ARMH3: variants seen among roughly 807,000 people sequenced by gnomAD.
The protein encoded by ARMH3 is armadillo-like helical domain-containing protein 3.
A neutral mutation model predicts 99.1 loss-of-function variants in ARMH3; 60 were observed. The observed-to-expected ratio is 0.61, with a 90% CI of 0.49 to 0.75. ARMH3 has a LOEUF of 0.75. Ranked by LOEUF, ARMH3 falls within the 30% of genes least tolerant of loss-of-function variation. The pLI, the probability that ARMH3 is intolerant of heterozygous loss-of-function variation, is 0.00. For synonymous variants in ARMH3, 285 were observed against 292.8 expected, an observed-to-expected ratio of 0.97 and a Z score of 0.27; for missense variants, 679 against 843.1, an observed-to-expected ratio of 0.81 and a Z score of 2.41.
chr10:101,928,271 T>C (rs1383474197), intron 23 of ARMH3, among the ~76,000 whole-genome samples: 1 of 152,162 alleles, frequency 6.6e-6, no homozygotes, highest in Non-Finnish European at 1.5e-5. Flanking sequence ...TCTGAGACTT[T>C]ACACAGGGTG....
intron 1 of ARMH3, among the ~76,000 whole-genome samples, chr10:102,042,037 A>T (rs1241292307): frequency 2.6e-5 from 4 of 152,204 alleles, no homozygotes; most frequent in African/African-American, 9.6e-5. Flanking sequence ...GATGAAAAAA[A>T]TAATAACAAT....
At chr10:102,027,782 T>G (rs936639321) in intron 5 of ARMH3, among the ~76,000 whole-genome samples, 34 of 151,846 alleles carry the variant, frequency 2.2e-4, no homozygotes, top group African/African-American at 7.7e-4. Flanking sequence ...AAGTATTAAA[T>G]ATTTGTATAT....
chr10:101,993,108 C>G (rs959521183), intron 17 of ARMH3, among the ~76,000 whole-genome samples: 5 of 151,448 alleles, frequency 3.3e-5, no homozygotes. Flanking sequence ...CCATCTGTAA[C>G]GAAAATACAA....
At chr10:101,991,515 G>A (rs1234736698) in intron 18 of ARMH3, among the ~76,000 whole-genome samples, 1 of 152,208 alleles carries the variant, frequency 6.6e-6, no homozygotes, top group African/African-American at 2.4e-5. Flanking sequence ...TGAGTAGCTG[G>A]GATTACAGGC....
chr10:101,973,156 C>T (rs541668679), intron 20 of ARMH3, among the ~76,000 whole-genome samples: 2 of 152,024 alleles, frequency 1.3e-5, no homozygotes, highest in Non-Finnish European at 2.9e-5. Context: ...GTCAGGAGTT[C>T]GAGACCATCC....
At chr10:101,984,579 G>A (rs1296338173) in intron 19 of ARMH3, among the ~76,000 whole-genome samples, 1 of 151,964 alleles carries the variant, frequency 6.6e-6, no homozygotes, top group Non-Finnish European at 1.5e-5. Flanking sequence ...AGCCACTCCA[G>A]AGCACCAATG....
At chr10:101,850,078 T>TTCTC (rs148630843) in intron 24 of ARMH3, among the ~76,000 whole-genome samples, 186 bp from the exon 25 acceptor site, 4 of 146,688 alleles carry the variant, frequency 2.7e-5, no homozygotes, top group Non-Finnish European at 4.5e-5. Context: ...TGGGACCACT[T>TTCTC]TCTCTCTCTC....
intron 20 of ARMH3, among the ~76,000 whole-genome samples, chr10:101,972,174 G>A (rs1845797543): frequency 6.6e-6 from 1 of 152,104 alleles, no homozygotes; most frequent in Admixed American, 6.5e-5. Flanking sequence ...TTGTCCATAA[G>A]ATCACACCTG....
chr10:102,052,476 G>A (rs906836167), intron 1 of ARMH3, among the ~76,000 whole-genome samples: 2 of 151,976 alleles, frequency 1.3e-5, no homozygotes, highest in Admixed American at 6.6e-5. Context: ...CACCAGCCTC[G>A]GCCTCCCAAA....
At chr10:101,994,385 C>T (rs978827485) in intron 16 of ARMH3, among the ~76,000 whole-genome samples, 3 of 152,218 alleles carry the variant, frequency 2.0e-5, no homozygotes, top group East Asian at 3.9e-4. Flanking sequence ...CCACAGAGAA[C>T]ATGAAGAGAG....
At chr10:101,924,919 C>T (rs1190424051) in intron 23 of ARMH3, among the ~76,000 whole-genome samples, 1 of 151,930 alleles carries the variant, frequency 6.6e-6, no homozygotes, top group Non-Finnish European at 1.5e-5. Flanking sequence ...GCTTGAACCT[C>T]GGAGGAGGAA....
chr10:101,950,744 T>C (rs969723087), intron 22 of ARMH3, among the ~76,000 whole-genome samples: 3 of 152,180 alleles, frequency 2.0e-5, no homozygotes, highest in African/African-American at 4.8e-5. Context: ...ATGTCCAGAA[T>C]AGGCAAATTT....
intron 8 of ARMH3, among the ~76,000 whole-genome samples, chr10:102,021,690 G>A (rs12267455): frequency 0.01 from 1,567 of 152,094 alleles, 30 homozygotes; most frequent in African/African-American, 0.032. Context: ...TGGGACTACA[G>A]GTGCCCGCCA....
rs146642736 is a variant in ARMH3 at position 101,914,996 on chromosome 10, G to A, written c.1781+24867C>T. 3.3e-5 allele frequency among the ~76,000 whole-genome samples: 5 copies of A among 151,214 alleles called. No individual in the cohort carries two copies. In the East Asian group the frequency reaches 7.8e-4, roughly 23 times the overall value. ...TACTTTCTACACTCTGCAAGTATTC[G>A]TAACCATGATAAATAAGGATAAGAA... On this transcript the variant is annotated intron_variant, in intron 23 of 25. Transcript: ENST00000370033.
At chr10:101,952,809 C>T (rs1341496168) in intron 22 of ARMH3, 1 of 152,196 alleles carries the variant, frequency 6.6e-6, no homozygotes, top group Non-Finnish European at 1.5e-5. Flanking sequence ...AAACTCTACA[C>T]ACATTAAGCA....
chr10:102,015,146 C>A (rs1398989717), intron 8 of ARMH3, among the ~76,000 whole-genome samples: 1 of 152,150 alleles, frequency 6.6e-6, no homozygotes, highest in Non-Finnish European at 1.5e-5. Context: ...CCATTTGTTA[C>A]TTGATCTGAC....
At chr10:101,931,400 C>T (rs994070557) in intron 23 of ARMH3, among the ~76,000 whole-genome samples, 2 of 151,976 alleles carry the variant, frequency 1.3e-5, no homozygotes, top group Non-Finnish European at 2.9e-5. Flanking sequence ...TGGTGGGCAC[C>T]GATAATCCTG....
At chr10:101,948,447 C>A (rs1348705654) in intron 22 of ARMH3, among the ~76,000 whole-genome samples, 1 of 151,944 alleles carries the variant, frequency 6.6e-6, no homozygotes, top group Non-Finnish European at 1.5e-5. Context: ...ATTTAAAAAG[C>A]CAAAGTGGCT....
chr10:101,942,238 A>C (rs1844272894), intron 22 of ARMH3, among the ~76,000 whole-genome samples: 1 of 152,212 alleles, frequency 6.6e-6, no homozygotes, highest in South Asian at 2.1e-4. Flanking sequence ...TTAAAAAGAG[A>C]CATGAAAATT....
Sources: allele counts gnomAD v4.1 joint callset (sites outside exome capture counted in the v4.1 genomes callset), GRCh38; gene constraint gnomAD v4.1.1; transcripts MANE v1.5; gene names NCBI Gene and HGNC (gene_info 2026-07-23, HGNC 2026-07-21).